Variants in ZPBP observed in about 807,000 individuals in gnomAD.
ZPBP encodes zona pellucida binding protein.
A neutral mutation model predicts 44.8 loss-of-function variants in ZPBP; 26 were observed. The observed-to-expected ratio is 0.58, with a 90% confidence interval of 0.43 to 0.81. ZPBP has a LOEUF of 0.81. ZPBP is among the 30% of genes least tolerant of loss of function. The probability of loss-of-function intolerance (pLI) is 0.00; values close to 1 mark genes in which losing one functional copy is unlikely to be tolerated. For missense variants in ZPBP, 409 were observed against 434.0 expected (o/e 0.94, Z 0.51); for synonymous variants, 174 against 153.2 (o/e 1.14, Z -1.00).
At chr7:49,906,736 G>C (rs1793118806) in intron 1 of ZPBP, among the ~76,000 whole-genome samples, 1 of 152,182 alleles carries the variant, frequency 6.6e-6, no homozygotes. Flanking sequence ...CTGAAGTACA[G>C]ATGCTGAGTT....
intron 2 of ZPBP, among the ~76,000 whole-genome samples, chr7:49,874,180 C>CCACA (rs139144140): frequency 4.0e-5 from 6 of 149,532 alleles, no homozygotes; most frequent in African/African-American, 1.2e-4. Flanking sequence ...ATGCACACAC[C>CCACA]CACACACACA....
chr7:50,082,479 T>C (rs1802418080), intron 2 of ZPBP, among the ~76,000 whole-genome samples: 2 of 151,850 alleles, frequency 1.3e-5, no homozygotes, highest in East Asian at 1.9e-4. Flanking sequence ...CTTTAGGAGA[T>C]ACAAAAGGAA....
chr7:50,037,831 C>G (rs1799889376), intron 4 of ZPBP, among the ~76,000 whole-genome samples: 1 of 152,136 alleles, frequency 6.6e-6, no homozygotes, highest in African/African-American at 2.4e-5. Flanking sequence ...CAGCCTAACA[C>G]AGGGTTCTTT....
At chr7:49,990,042 C>T (rs1365432061) in intron 6 of ZPBP, among the ~76,000 whole-genome samples, 4 of 152,180 alleles carry the variant, frequency 2.6e-5, no homozygotes, top group African/African-American at 7.2e-5. Flanking sequence ...CCCCAAAACA[C>T]ATTTTTGTCC....
intron 5 of ZPBP, among the ~76,000 whole-genome samples, chr7:50,024,374 T>C (rs1353836709): frequency 2.6e-5 from 4 of 151,972 alleles, no homozygotes; most frequent in Non-Finnish European, 5.9e-5. Flanking sequence ...CACTGCAGCA[T>C]TATTCATAAC....
chr7:49,892,058 T>C (rs1274688371), intron 2 of ZPBP, among the ~76,000 whole-genome samples: 1 of 139,964 alleles, frequency 7.1e-6, no homozygotes, highest in Non-Finnish European at 1.5e-5. Flanking sequence ...TTTTTTTTTT[T>C]TTTTGAGACG....
chr7:49,994,968 T>C (rs1306838471), intron 6 of ZPBP, among the ~76,000 whole-genome samples: 2 of 152,170 alleles, frequency 1.3e-5, no homozygotes, highest in African/African-American at 4.8e-5. Context: ...ATTGTACCCC[T>C]TTTTTGATTG....
At chr7:49,920,035 T>C (rs1344447081) in intron 1 of ZPBP, 2 of 152,014 alleles carry the variant, frequency 1.3e-5, no homozygotes, top group Non-Finnish European at 2.9e-5. Context: ...AACATAATGG[T>C]GTTTTTTTTT....
At chr7:49,970,466 C>CTTTTTTTTTTTTTT (rs771955717) in intron 7 of ZPBP, among the ~76,000 whole-genome samples, 3 of 85,200 alleles carry the variant, frequency 3.5e-5, no homozygotes, top group African/African-American at 4.8e-5. Flanking sequence ...GCTGAATATA[C>CTTTTTTTTTTTTTT]TTTTTTTTTT....
intron 3 of ZPBP, among the ~76,000 whole-genome samples, chr7:50,075,701 A>C (rs1344601247): frequency 6.6e-6 from 1 of 152,060 alleles, no homozygotes; most frequent in Non-Finnish European, 1.5e-5. Flanking sequence ...AGATTGAATC[A>C]GGAAGACATT....
At chr7:49,881,870 G>T (rs1363940189) in intron 2 of ZPBP, among the ~76,000 whole-genome samples, 2 of 151,758 alleles carry the variant, frequency 1.3e-5, no homozygotes, top group Admixed American at 6.6e-5. Flanking sequence ...TGAATTCATA[G>T]ATTTTTTAAT....
rs144224756 is a variant in ZPBP at position 49,903,441 on chromosome 7, G to C, written n.412-2226C>G. ...AACTATTGATACTCACCACAACTTG[G>C]ATAGATCTCAAAGGCTTTATGCTGA... On this transcript the variant is annotated intron_variant and non_coding_transcript_variant, in intron 1 of 2. Coordinates refer to the ZPBP transcript ENST00000465922. 2.7e-3 allele frequency among the ~76,000 whole-genome samples: 417 copies of C among 152,260 alleles called. 3 individuals carry two copies. Among genetic ancestry groups the C allele is most frequent in the African/African-American group, 9.3e-3 (388 of 41,544 alleles).
intron 2 of ZPBP, among the ~76,000 whole-genome samples, chr7:49,859,786 GCGTGCA>G (rs1366142708): frequency 4.6e-5 from 3 of 65,616 alleles, no homozygotes; most frequent in Non-Finnish European, 9.3e-5. Flanking sequence ...CAGTGCGCGT[GCGTGCA>G]CACACACACA....
intron 4 of ZPBP, among the ~76,000 whole-genome samples, chr7:50,044,432 A>C (rs1800247154): frequency 6.6e-6 from 1 of 152,148 alleles, no homozygotes; most frequent in Admixed American, 6.5e-5. Context: ...AGACTAATAA[A>C]GAAGAAAAGA....
intron 5 of ZPBP, among the ~76,000 whole-genome samples, chr7:50,030,052 G>A (rs535120342): frequency 1.2e-4 from 18 of 152,096 alleles, no homozygotes; most frequent in East Asian, 7.7e-4. Flanking sequence ...GGCAGGTTTC[G>A]CCATGTTGGC....
At chr7:50,004,734 T>C (rs1222900445) in intron 6 of ZPBP, among the ~76,000 whole-genome samples, 1 of 151,906 alleles carries the variant, frequency 6.6e-6, no homozygotes, top group Non-Finnish European at 1.5e-5. Context: ...AACAGGTCAT[T>C]TGAAATTAGC....
chr7:49,949,523 G>A (rs189968352), intron 7 of ZPBP, among the ~76,000 whole-genome samples: 1 of 152,162 alleles, frequency 6.6e-6, no homozygotes, highest in Non-Finnish European at 1.5e-5. Flanking sequence ...AAATAAGCCA[G>A]TCATAAAAAG....
At chr7:49,875,474 A>G (rs922283257) in intron 2 of ZPBP, among the ~76,000 whole-genome samples, 1 of 151,418 alleles carries the variant, frequency 6.6e-6, no homozygotes, top group African/African-American at 2.4e-5. Flanking sequence ...TTCACTCACA[A>G]TGTGGAGTCT....
intron 1 of ZPBP, among the ~76,000 whole-genome samples, chr7:49,902,106 G>C (rs1792780500): frequency 6.6e-6 from 1 of 151,932 alleles, no homozygotes; most frequent in Non-Finnish European, 1.5e-5. Context: ...ATAGGAGAAA[G>C]TCTAGATAGC....
Sources: allele counts gnomAD v4.1 joint callset (sites outside exome capture counted in the v4.1 genomes callset), GRCh38; gene constraint gnomAD v4.1.1; transcripts MANE v1.5; gene names NCBI Gene and HGNC (gene_info 2026-07-23, HGNC 2026-07-21).